The following DNM3 variants were observed in gnomAD, a reference collection of about 807,000 sequenced individuals.
DNM3 encodes the protein dynamin-3.
Under a neutral mutation model 101.6 loss-of-function variants are expected in DNM3, and 47 were observed. The observed-to-expected ratio is 0.46, with a 90% CI of 0.37 to 0.59. The LOEUF is 0.59. DNM3 is among the 20% of genes least tolerant of loss of function. The pLI is 0.00. For missense variants in DNM3, 849 were observed against 1,085.7 expected (o/e 0.78, Z 3.06); for synonymous variants, 385 against 387.9 (o/e 0.99, Z 0.09).
chr1:172,387,591 A>G (rs1396451423), intron 19 of DNM3, among the ~76,000 whole-genome samples: 2 of 151,532 alleles, frequency 1.3e-5, no homozygotes, highest in East Asian at 2.0e-4. Context: ...CCCGGGAGGC[A>G]GAGCTTGCAG....
chr1:171,946,731 C>T (rs1395425915), intron 2 of DNM3, among the ~76,000 whole-genome samples: 1 of 152,138 alleles, frequency 6.6e-6, no homozygotes, highest in Non-Finnish European at 1.5e-5. Flanking sequence ...GCAACTGCTT[C>T]TGATGAGACC....
intron 14 of DNM3, among the ~76,000 whole-genome samples, chr1:172,250,030 G>C (rs922170366): frequency 6.6e-6 from 1 of 152,096 alleles, no homozygotes; most frequent in African/African-American, 2.4e-5. Flanking sequence ...AGAGTTGACT[G>C]AACATTCTAA....
rs535613271 is a variant in DNM3 at position 172,061,504 on chromosome 1, A to C, written c.1336-7315A>C. Reference sequence around the variant, plus strand: ...AAAATGTGGCATATATACACCATGGAATACTATGCAGCCATAAAAAATGAT... The same window carrying C: ...AAAATGTGGCATATATACACCATGGCATACTATGCAGCCATAAAAAATGAT... On this transcript the variant is annotated intron_variant, in intron 10 of 20. Coordinates refer to ENST00000627582, the MANE Select transcript of DNM3 (RefSeq NM_015569.5). Among the ~76,000 whole-genome samples, 11 of 151,678 alleles carry C rather than the reference A, an allele frequency of 7.3e-5. 1 individual carries two copies. In the South Asian group the frequency reaches 1.9e-3, roughly 26 times the overall value.
intron 10 of DNM3, among the ~76,000 whole-genome samples, chr1:172,051,989 A>G (rs1042032271): frequency 5.9e-5 from 9 of 152,088 alleles, no homozygotes; most frequent in Non-Finnish European, 1.3e-4. Flanking sequence ...TCTTAGTCCA[A>G]TTTCAACTGC....
intron 14 of DNM3, among the ~76,000 whole-genome samples, chr1:172,237,717 A>C (rs1487828008): frequency 1.3e-5 from 2 of 152,184 alleles, no homozygotes; most frequent in Admixed American, 1.3e-4. Context: ...AAACATATAC[A>C]TACATTATGC....
intron 14 of DNM3, among the ~76,000 whole-genome samples, chr1:172,149,448 T>C (rs1474683974): frequency 6.6e-6 from 1 of 152,154 alleles, no homozygotes; most frequent in East Asian, 1.9e-4. Flanking sequence ...TGTCTTGAAA[T>C]CTTTAGGGGA....
chr1:172,355,376 A>G (rs974503290), intron 17 of DNM3, among the ~76,000 whole-genome samples: 6 of 152,220 alleles, frequency 3.9e-5, no homozygotes, highest in Non-Finnish European at 8.8e-5. Context: ...CACTTTCTAA[A>G]GACAAGTCAT....
chr1:171,948,279 A>T (rs932382736), intron 2 of DNM3, among the ~76,000 whole-genome samples: 1 of 152,216 alleles, frequency 6.6e-6, no homozygotes, highest in Admixed American at 6.5e-5. Context: ...ATTGTTTAAG[A>T]CCTCACAATT....
intron 14 of DNM3, among the ~76,000 whole-genome samples, chr1:172,228,021 TA>T (rs1265743389): frequency 2.6e-5 from 4 of 152,172 alleles, no homozygotes; most frequent in Non-Finnish European, 2.9e-5. Context: ...TTAGGGTGTT[TA>T]TTTTTTTAAA....
intron 2 of DNM3, among the ~76,000 whole-genome samples, chr1:171,926,056 T>C (rs1017157158): frequency 1.3e-5 from 2 of 152,198 alleles, no homozygotes; most frequent in African/African-American, 4.8e-5. Flanking sequence ...TTTACATTGA[T>C]CTATGTGTCT....
At chr1:172,025,228 G>T (rs757134371) in intron 4 of DNM3, among the ~76,000 whole-genome samples, 3 of 152,220 alleles carry the variant, frequency 2.0e-5, no homozygotes, top group South Asian at 4.1e-4. Context: ...CAGCAAAGCC[G>T]CTGTAGCCGG....
chr1:172,104,477 G>A (rs1404482898), intron 13 of DNM3, among the ~76,000 whole-genome samples: 3 of 151,974 alleles, frequency 2.0e-5, no homozygotes, highest in Non-Finnish European at 4.4e-5. Context: ...TTTAGAATGA[G>A]CCATTCATGC....
chr1:172,048,764 A>C lies in DNM3; in HGVS notation c.1335+14A>C. 10 of 1,609,798 alleles carry C rather than the reference A, an allele frequency of 6.2e-6. No individual in the cohort carries two copies. Among genetic ancestry groups the C allele is most frequent in the Non-Finnish European group, 7.6e-6 (9 of 1,177,970 alleles). On this transcript the variant is annotated intron_variant, in intron 10 of 20. Coordinates refer to ENST00000627582, the MANE Select transcript of DNM3 (RefSeq NM_015569.5). Reference sequence around the variant, plus strand: ...TGTACCAAAAAAGTAAGTTCGAATTATTTAACTTTCCAGTACGTGGCTTTG... The same window carrying C: ...TGTACCAAAAAAGTAAGTTCGAATTCTTTAACTTTCCAGTACGTGGCTTTG...
At chr1:172,247,656 CTTATTTATTTAT>C (rs1553207716) in intron 14 of DNM3, among the ~76,000 whole-genome samples, 3 of 135,386 alleles carry the variant, frequency 2.2e-5, no homozygotes, top group African/African-American at 5.6e-5. Context: ...ATTATTATTT[CTTATTTATTTAT>C]TTATTTATTT....
intron 14 of DNM3, among the ~76,000 whole-genome samples, chr1:172,161,073 T>A (rs748292438): frequency 1.3e-5 from 2 of 151,942 alleles, no homozygotes; most frequent in Non-Finnish European, 2.9e-5. Context: ...TTTGGTCCGA[T>A]GGCTGGATTA....
At chr1:171,942,401 A>G (rs988808366) in intron 2 of DNM3, among the ~76,000 whole-genome samples, 3 of 152,244 alleles carry the variant, frequency 2.0e-5, no homozygotes, top group Admixed American at 2.0e-4. Context: ...TAAGGAAATA[A>G]GCATATGCAA....
At chr1:171,921,719 C>T in intron 1 of DNM3, 29 bp from the exon 2 acceptor site, 1 of 1,544,890 alleles carries the variant, frequency 6.5e-7, no homozygotes, top group South Asian at 1.2e-5. Flanking sequence ...TTCCTTCATG[C>T]CTTAATCTGT....
chr1:172,298,883 G>A (rs1392350615), intron 15 of DNM3, among the ~76,000 whole-genome samples: 1 of 149,110 alleles, frequency 6.7e-6, no homozygotes, highest in Non-Finnish European at 1.5e-5. Flanking sequence ...GAGAAAGACA[G>A]AGAAAGAAAG....
intron 20 of DNM3, among the ~76,000 whole-genome samples, chr1:172,398,612 TTA>T (rs1031959519): frequency 1.3e-5 from 2 of 152,184 alleles, no homozygotes; most frequent in Non-Finnish European, 2.9e-5. Context: ...AGCCTTTCAT[TTA>T]TAAACATTTT....
Sources: allele counts gnomAD v4.1 joint callset (sites outside exome capture counted in the v4.1 genomes callset), GRCh38; gene constraint gnomAD v4.1.1; transcripts MANE v1.5; gene names NCBI Gene and HGNC (gene_info 2026-07-23, HGNC 2026-07-21).